The following PHACTR2 variants were observed in gnomAD, a reference collection of about 807,000 sequenced individuals.
PHACTR2 encodes chromosome 6 open reading frame 56.
In PHACTR2, 30 loss-of-function variants were observed where a neutral mutation model predicts 76.0. The observed-to-expected ratio is 0.39, with a 90% confidence interval of 0.30 to 0.54. PHACTR2 has a LOEUF of 0.54. PHACTR2 is among the 20% of genes least tolerant of loss of function. The pLI is 0.61. For missense variants in PHACTR2, 696 were observed against 781.1 expected (o/e 0.89, Z 1.30); for synonymous variants, 292 against 292.5 (o/e 1.00, Z 0.02).
rs1396934856 is a variant in PHACTR2, at chr6:143,679,176, A to T, written c.46+967A>T. Among the ~76,000 whole-genome samples, 1 of 152,162 alleles carries T rather than the reference A, an allele frequency of 6.6e-6. No homozygotes were observed. Among genetic ancestry groups the T allele is most frequent in the East Asian group, 1.9e-4 (1 of 5,184 alleles). On this transcript the variant is annotated intron_variant, in intron 1 of 12. Coordinates refer to ENST00000440869, the MANE Select transcript of PHACTR2 (RefSeq NM_001100164.2). The surrounding 1 kb of genome is among the most constrained non-coding windows in gnomAD (Gnocchi z 4.6). ...GGAAGGTTTTTTAATCTGCCTCAGG[A>T]TGTCTAGCTAGATAGCATTCTGTCA... is the stretch of plus-strand genomic sequence containing the variant.
In PHACTR2 at chr6:143,784,042, A is replaced by G. The variant is rs1775494646; in HGVS notation, c.1707+762A>G. 6.6e-6 allele frequency among the ~76,000 whole-genome samples: 1 copy of G among 151,938 alleles called. No homozygotes were observed. Among genetic ancestry groups the G allele is most frequent in the African/African-American group, 2.4e-5 (1 of 41,386 alleles). On this transcript the variant is annotated intron_variant, in intron 10 of 12. Transcript: ENST00000440869. This position sits in a 1 kb window ranked among gnomAD's most constrained non-coding sequence, Gnocchi z 4.5. ...CTCGCTTGATTAGAACAATGAAAAA[A>G]AAAAAGAAAAAAAGAAGTGAAAAAA...
rs1582707501 is a variant in PHACTR2, at chr6:143,621,217, A to T, written c.13+12895A>T. Among the ~76,000 whole-genome samples, 1 of 152,160 alleles carries T rather than the reference A, an allele frequency of 6.6e-6. No individual in the cohort carries two copies. Among genetic ancestry groups the T allele is most frequent in the Non-Finnish European group, 1.5e-5 (1 of 68,020 alleles). Reference sequence around the variant, plus strand: ...AGATTATAGGGAGAGACCAAGGTAGACACCTGGCTTATGAAACGGGTCTAC... The same window carrying T: ...AGATTATAGGGAGAGACCAAGGTAGTCACCTGGCTTATGAAACGGGTCTAC... On this transcript the variant is annotated intron_variant, in intron 1 of 11. Coordinates refer to the PHACTR2 transcript ENST00000305766. The surrounding 1 kb of genome is among the most constrained non-coding windows in gnomAD (Gnocchi z 4.1).
upstream of PHACTR2, among the ~76,000 whole-genome samples, chr6:143,606,500 G>A (rs555823918): frequency 2.0e-5 from 3 of 152,198 alleles, no homozygotes; most frequent in African/African-American, 7.2e-5. Context: ...TTTGAACTGT[G>A]GACAAAGCTA....
In PHACTR2 at chr6:143,827,506, TCA is replaced by T. The variant is rs1776572455; in HGVS notation, c.*3818_*3819del. Reference sequence around the variant, plus strand: ...TTTCAAACAGAGCAAGAAATCTTCCTCAGAGTAGGTGGTATGAAATTAAACTA... The same window carrying T: ...TTTCAAACAGAGCAAGAAATCTTCCTGAGTAGGTGGTATGAAATTAAACTA... On this transcript the variant is annotated 3_prime_UTR_variant, in exon 13 of 13. Transcript: ENST00000440869. 1 of 152,068 alleles carries T rather than the reference TCA, an allele frequency of 6.6e-6. No homozygotes were observed. Among genetic ancestry groups the T allele is most frequent in the South Asian group, 2.1e-4 (1 of 4,832 alleles). The allele number at this position is 152,068 out of a possible 1,614,324, so 9.4% of individuals were successfully genotyped here. A position where few individuals can be genotyped will look rare whatever the true frequency, so the allele number is the denominator to read the frequency against.
chr6:143,714,076 A>G (rs1353276222), intron 2 of PHACTR2, among the ~76,000 whole-genome samples: 1 of 152,210 alleles, frequency 6.6e-6, no homozygotes, highest in Non-Finnish European at 1.5e-5. Flanking sequence ...CTTTTGCACA[A>G]AACTAATATT....
rs1381362804 is a variant in PHACTR2, at chr6:143,537,242, C to G, written c.217+35C>G. 2 of 186,270 alleles carry G rather than the reference C, an allele frequency of 1.1e-5. No individual in the cohort carries two copies. The highest frequency in any genetic ancestry group is 1.3e-4 in the South Asian group (1 of 7,798). The allele number at this position is 186,270 out of a possible 1,614,324, so 11.5% of individuals were successfully genotyped here. On this transcript the variant is annotated intron_variant, in intron 1 of 11. Transcript: ENST00000367584. This position sits in a 1 kb window ranked among gnomAD's most constrained non-coding sequence, Gnocchi z 4.4. ...GCTCGGGGCGCGGGCCGGGGAGGGCCGGCCGCGGGCAGGTGGCCGCGAGGG... is the reference window on the plus strand; with the variant it reads ...GCTCGGGGCGCGGGCCGGGGAGGGCGGGCCGCGGGCAGGTGGCCGCGAGGG...
At chr6:143,632,727 T>G (rs111729954) in intron 1 of PHACTR2, among the ~76,000 whole-genome samples, 1,733 of 152,356 alleles carry the variant, frequency 0.011, 45 homozygotes, top group African/African-American at 0.039. Flanking sequence ...CAGTAGTTTT[T>G]CTGATCTAAA....
chr6:143,576,703 C>G (rs548891775), intron 1 of PHACTR2, among the ~76,000 whole-genome samples: 9 of 151,894 alleles, frequency 5.9e-5, no homozygotes, highest in African/African-American at 2.2e-4. Flanking sequence ...ATGGCAAAAC[C>G]CCATCTCTAC....
At position 143,581,566 on chromosome 6, in the gene PHACTR2, G is replaced by T. The variant is rs1775572894; in HGVS notation, c.217+44359G>T. ...GGAGGAATGGCGGGAAGGATGAATGGATATGTGTATTAATTATCTATTGCT... is the reference window on the plus strand; with the variant it reads ...GGAGGAATGGCGGGAAGGATGAATGTATATGTGTATTAATTATCTATTGCT... On this transcript the variant is annotated intron_variant, in intron 1 of 11. Coordinates refer to the PHACTR2 transcript ENST00000367584. The surrounding 1 kb of genome is among the most constrained non-coding windows in gnomAD (Gnocchi z 4.5). 6.6e-6 allele frequency among the ~76,000 whole-genome samples: 1 copy of T among 152,186 alleles called. No individual in the cohort carries two copies. Among genetic ancestry groups the T allele is most frequent in the African/African-American group, 2.4e-5 (1 of 41,440 alleles).
rs1776121568 is a variant in PHACTR2, at chr6:143,619,892, CTA to C, written c.13+11573_13+11574del. Among the ~76,000 whole-genome samples, 1 of 152,100 alleles carries C rather than the reference CTA, an allele frequency of 6.6e-6. No individual in the cohort carries two copies. Among genetic ancestry groups the C allele is most frequent in the Non-Finnish European group, 1.5e-5 (1 of 68,028 alleles). On this transcript the variant is annotated intron_variant, in intron 1 of 11. Transcript: ENST00000305766. This position sits in a 1 kb window ranked among gnomAD's most constrained non-coding sequence, Gnocchi z 4.5. ...TATCTTAGGTCCCCTGTGTGAGATTCTATAGTCTTCACAGCGCCGATCATGCT... is the reference window on the plus strand; with the variant it reads ...TATCTTAGGTCCCCTGTGTGAGATTCTAGTCTTCACAGCGCCGATCATGCT...
At chr6:143,744,127 C>T (rs1779002760) in intron 2 of PHACTR2, among the ~76,000 whole-genome samples, 1 of 152,204 alleles carries the variant, frequency 6.6e-6, no homozygotes, top group African/African-American at 2.4e-5. Context: ...CTCCCTTCTT[C>T]AGTGCATACA....
chr6:143,761,421 A>G lies in PHACTR2; in HGVS notation c.694+781A>G, dbSNP rs183279541. On this transcript the variant is annotated intron_variant, in intron 5 of 12. Coordinates refer to ENST00000440869, the MANE Select transcript of PHACTR2 (RefSeq NM_001100164.2). This position sits in a 1 kb window ranked among gnomAD's most constrained non-coding sequence, Gnocchi z 5.2. ...GGAAACTCCCATTTTTTTAGTGAAGAGGAAGAAAGATGCCTACCATGTCAT... is the reference window on the plus strand; with the variant it reads ...GGAAACTCCCATTTTTTTAGTGAAGGGGAAGAAAGATGCCTACCATGTCAT... Among the ~76,000 whole-genome samples, 60 of 152,278 alleles carry G rather than the reference A, an allele frequency of 3.9e-4. No homozygotes were observed. The highest frequency in any genetic ancestry group is 7.4e-4 in the Non-Finnish European group (50 of 68,018).
In PHACTR2 at chr6:143,793,567, G is replaced by A. The variant is rs904674082; in HGVS notation, c.1845+4657G>A. Among the ~76,000 whole-genome samples, 4 of 152,102 alleles carry A rather than the reference G, an allele frequency of 2.6e-5. No individual in the cohort carries two copies. The highest frequency in any genetic ancestry group is 1.5e-5 in the Non-Finnish European group (1 of 68,022). On this transcript the variant is annotated intron_variant, in intron 11 of 12. Transcript: ENST00000440869. The surrounding 1 kb of genome is among the most constrained non-coding windows in gnomAD (Gnocchi z 4.4). ...AGAAGTGGATTTTTATTGTGTATGT[G>A]TGTGTTTCTCTGGAAGAAAATTAAG...
chr6:143,800,739 T>C lies in PHACTR2; in HGVS notation c.1846-6318T>C, dbSNP rs1439841971. On this transcript the variant is annotated intron_variant, in intron 11 of 12. Coordinates refer to ENST00000440869, the MANE Select transcript of PHACTR2 (RefSeq NM_001100164.2). The surrounding 1 kb of genome is among the most constrained non-coding windows in gnomAD (Gnocchi z 4.8). ...ATGTTTGAATTTGATCCTGTCATTA[T>C]GATGTTAGCTGGTTATTTTGCCCGT... is the stretch of plus-strand genomic sequence containing the variant. 6.6e-6 allele frequency among the ~76,000 whole-genome samples: 1 copy of C among 152,238 alleles called. No homozygotes were observed. Among genetic ancestry groups the C allele is most frequent in the Non-Finnish European group, 1.5e-5 (1 of 68,042 alleles).
At chr6:143,747,980 T>C (rs1341363066) in intron 2 of PHACTR2, among the ~76,000 whole-genome samples, 2 of 152,220 alleles carry the variant, frequency 1.3e-5, no homozygotes, top group Non-Finnish European at 2.9e-5. Flanking sequence ...TCCAAAGTTC[T>C]ACCAGGCATT....
rs199826069 is a variant in PHACTR2, at chr6:143,608,564, T to TTTATG, written c.13+243_13+244insTATGT. 9.0e-3 allele frequency among the ~76,000 whole-genome samples: 1,369 copies of TTTATG among 152,074 alleles called. 19 individuals are homozygous for TTTATG. Among genetic ancestry groups the TTTATG allele is most frequent in the African/African-American group, 0.029 (1,194 of 41,418 alleles). ...CACCTTTTGTGAAGACTACTGCTAT[T>TTTATG]TAGGCTGAAGCAAGTGTGGTGTTTG... is the stretch of plus-strand genomic sequence containing the variant. On this transcript the variant is annotated intron_variant, in intron 1 of 11. Coordinates refer to the PHACTR2 transcript ENST00000305766. The surrounding 1 kb of genome is among the most constrained non-coding windows in gnomAD (Gnocchi z 4.6).
At chr6:143,612,654 G>C (rs1262313852) in intron 1 of PHACTR2, among the ~76,000 whole-genome samples, 1 of 152,100 alleles carries the variant, frequency 6.6e-6, no homozygotes, top group African/African-American at 2.4e-5. Context: ...GCATTTGCAT[G>C]TGTATTGTTA....
rs187396864 is a variant in PHACTR2 at position 143,738,050 on chromosome 6, C to T, written c.215-10935C>T. Among the ~76,000 whole-genome samples the T allele has an allele frequency of 3.3e-5, 5 of 152,346 alleles. No homozygotes were observed. Among genetic ancestry groups the T allele is most frequent in the African/African-American group, 9.6e-5 (4 of 41,580 alleles). ...AACTTAGACTGGTTATCCCCACCTACCTGAGTTGGTGTTGTTTTAATATGT... is the reference window on the plus strand; with the variant it reads ...AACTTAGACTGGTTATCCCCACCTATCTGAGTTGGTGTTGTTTTAATATGT... On this transcript the variant is annotated intron_variant, in intron 2 of 12. Coordinates refer to ENST00000440869, the MANE Select transcript of PHACTR2 (RefSeq NM_001100164.2). The surrounding 1 kb of genome is among the most constrained non-coding windows in gnomAD (Gnocchi z 4.0).
rs577813493 is a variant in PHACTR2, at chr6:143,758,341, A to G, written c.455-2060A>G. 2.0e-5 allele frequency among the ~76,000 whole-genome samples: 3 copies of G among 152,358 alleles called. No individual in the cohort carries two copies. The South Asian group carries it at 6.2e-4, about 32-fold the overall frequency. On this transcript the variant is annotated intron_variant, in intron 4 of 12. Coordinates refer to ENST00000440869, the MANE Select transcript of PHACTR2 (RefSeq NM_001100164.2). ...GTTACAGATCAGTTTGACTTTCACT[A>G]TGGATGACACTATTGGGCTTAGTCT...
Sources: gnomAD v4.1 joint callset for allele counts (sites outside exome capture counted in the v4.1 genomes callset) on GRCh38, gnomAD v4.1.1 for gene constraint, Gnocchi (gnomAD v3.1) non-coding constraint, MANE v1.5 for transcripts, NCBI Gene and HGNC (gene_info 2026-07-23, HGNC 2026-07-21) for gene names.